The following CSMD1 variants were observed in gnomAD, a reference collection of about 807,000 sequenced individuals.
The protein encoded by CSMD1 is CUB and Sushi multiple domains 1.
A neutral mutation model predicts 417.5 loss-of-function variants in CSMD1; 213 were observed. The observed-to-expected ratio is 0.51, with a 90% CI of 0.46 to 0.57. The LOEUF (loss-of-function observed/expected upper bound fraction) is 0.57. Among genes scored for constraint, CSMD1 ranks in the 20% least tolerant of loss-of-function variants. The pLI is 0.00. For missense variants in CSMD1, 6,923 were observed against 4,529.7 expected (o/e 1.53, Z -15.17); for synonymous variants, 2,862 against 1,736.8 (o/e 1.65, Z -16.11).
rs767668610 is a variant in CSMD1 at position 3,817,252 on chromosome 8, C to CTTTTTTTTTTTTTT, written c.819-63224_819-63211dup. On this transcript the variant is annotated intron_variant, in intron 5 of 69. Transcript: ENST00000635120. ...TCCAAAGTGGTCATATCTTCTTCTT[C>CTTTTTTTTTTTTTT]TTTTTTTTTTTTTTTTTTTTTTTTT... Among the ~76,000 whole-genome samples the CTTTTTTTTTTTTTT allele has an allele frequency of 6.1e-4, 33 of 54,420 alleles. 8 individuals carry two copies. The highest frequency in any genetic ancestry group is 0.015 in the Middle Eastern group (1 of 66). The allele number at this position is 54,420 out of a possible 152,430, so 35.7% of individuals were successfully genotyped here. A position where few individuals can be genotyped will look rare whatever the true frequency, so the allele number is the denominator to read the frequency against.
intron 10 of CSMD1, among the ~76,000 whole-genome samples, chr8:3,500,409 G>C (rs529025251): frequency 6.6e-6 from 1 of 152,254 alleles, no homozygotes; most frequent in East Asian, 1.9e-4. Flanking sequence ...GAGCTTGGGA[G>C]AGGTTCACGA....
chr8:4,743,868 A>T (rs542220203), intron 1 of CSMD1, among the ~76,000 whole-genome samples: 4 of 152,174 alleles, frequency 2.6e-5, no homozygotes, highest in South Asian at 4.1e-4. Flanking sequence ...GTCCGTTCCC[A>T]CTCAAGTTCT....
chr8:3,820,521 C>T (rs1388239837), intron 5 of CSMD1, among the ~76,000 whole-genome samples: 1 of 152,156 alleles, frequency 6.6e-6, no homozygotes, highest in Admixed American at 6.5e-5. Context: ...GCTGACATCT[C>T]CTATGGTAAC....
intron 3 of CSMD1, among the ~76,000 whole-genome samples, chr8:4,362,421 G>C (rs145258922): frequency 6.6e-6 from 1 of 152,154 alleles, no homozygotes; most frequent in African/African-American, 2.4e-5. Context: ...GGGATTAGAT[G>C]TAACTTTGGA....
intron 1 of CSMD1, chr8:4,788,107 G>T (rs1332516650): frequency 1.9e-5 from 31 of 1,602,972 alleles, no homozygotes; most frequent in Admixed American, 5.1e-5. Context: ...GAAAGTCAGT[G>T]CAGGGTTGTA....
chr8:4,602,026 C>T (rs563305939), intron 2 of CSMD1, among the ~76,000 whole-genome samples: 13 of 152,272 alleles, frequency 8.5e-5, no homozygotes, highest in African/African-American at 3.1e-4. Flanking sequence ...CATTTGCTAG[C>T]AGGCATTCCC....
intron 26 of CSMD1, among the ~76,000 whole-genome samples, chr8:3,283,852 CT>C (rs1802930082): frequency 6.6e-6 from 1 of 152,234 alleles, no homozygotes; most frequent in Non-Finnish European, 1.5e-5. Flanking sequence ...ACAATTTTCT[CT>C]CTTTCTTTGG....
At position 2,955,571 on chromosome 8, in the gene CSMD1, C is replaced by T. The variant is rs781715173; in HGVS notation, c.9994+18G>A. ...TTGCTCTTTGGAAAAGTATGCCACT[C>T]CTTGATCAATGACTTACTTTTACAC... is the stretch of plus-strand genomic sequence containing the variant. On this transcript the variant is annotated intron_variant, in intron 64 of 69. Transcript: ENST00000635120. 9 of 1,612,156 alleles carry T rather than the reference C, an allele frequency of 5.6e-6. No individual in the cohort carries two copies. In the Admixed American group the frequency reaches 1.5e-4, roughly 27 times the overall value.
chr8:3,223,928 G>A, intron 27 of CSMD1, 61 bp from the exon 28 acceptor site: 1 of 1,549,600 alleles, frequency 6.5e-7, no homozygotes, highest in South Asian at 1.1e-5. Flanking sequence ...CTGCCAGTCA[G>A]TGTGGAAGGA....
chr8:4,027,785 C>T (rs549724700), intron 4 of CSMD1, among the ~76,000 whole-genome samples: 1 of 151,974 alleles, frequency 6.6e-6, no homozygotes, highest in Non-Finnish European at 1.5e-5. Flanking sequence ...ATAGTAAAGG[C>T]AGAAATGGAA....
intron 1 of CSMD1, among the ~76,000 whole-genome samples, chr8:4,925,792 C>T (rs1806827017): frequency 6.6e-6 from 1 of 152,246 alleles, no homozygotes; most frequent in Admixed American, 6.5e-5. Flanking sequence ...CGTGATCCGC[C>T]CTCCTCGGCC....
At chr8:4,803,504 C>T (rs1423121159) in intron 1 of CSMD1, among the ~76,000 whole-genome samples, 1 of 152,122 alleles carries the variant, frequency 6.6e-6, no homozygotes, top group African/African-American at 2.4e-5. Flanking sequence ...ATCTGCCCGA[C>T]ATTCAACAGA....
intron 10 of CSMD1, among the ~76,000 whole-genome samples, chr8:3,562,767 G>T (rs891355623): frequency 6.6e-6 from 1 of 152,030 alleles, no homozygotes; most frequent in Non-Finnish European, 1.5e-5. Context: ...GGAGCCTATT[G>T]GAGGGTGGAG....
intron 7 of CSMD1, among the ~76,000 whole-genome samples, chr8:3,619,113 C>T (rs1255140349): frequency 6.7e-6 from 1 of 148,658 alleles, no homozygotes; most frequent in South Asian, 2.1e-4. Context: ...TACAATAGAA[C>T]ACATATCTAA....
chr8:4,081,637 G>A (rs1464227419), intron 3 of CSMD1, among the ~76,000 whole-genome samples: 5 of 152,068 alleles, frequency 3.3e-5, no homozygotes, highest in African/African-American at 9.7e-5. Context: ...TGGAGATATG[G>A]ACTAAAATAG....
At chr8:3,292,029 T>G (rs2117283088) in intron 25 of CSMD1, among the ~76,000 whole-genome samples, 1 of 152,290 alleles carries the variant, frequency 6.6e-6, no homozygotes, top group South Asian at 2.1e-4. Flanking sequence ...ATGTTGTGTC[T>G]TTGTTCTCGT....
intron 3 of CSMD1, among the ~76,000 whole-genome samples, chr8:4,069,592 G>C (rs1242917487): frequency 6.6e-6 from 1 of 152,192 alleles, no homozygotes. Context: ...TCTTGGGCCA[G>C]TGGCCACAGC....
At chr8:4,827,889 G>A (rs1799928755) in intron 1 of CSMD1, among the ~76,000 whole-genome samples, 1 of 152,106 alleles carries the variant, frequency 6.6e-6, no homozygotes, top group African/African-American at 2.4e-5. Context: ...TCGTCCTCAA[G>A]CAACTGCTTG....
intron 50 of CSMD1, among the ~76,000 whole-genome samples, chr8:3,032,180 G>C (rs1038103372): frequency 6.6e-6 from 1 of 151,854 alleles, no homozygotes; most frequent in Non-Finnish European, 1.5e-5. Context: ...GATGAGAGTG[G>C]AAGAGTGGAG....
Sources: gnomAD v4.1 joint callset for allele counts (sites outside exome capture counted in the v4.1 genomes callset) on GRCh38, gnomAD v4.1.1 for gene constraint, MANE v1.5 for transcripts, NCBI Gene and HGNC (gene_info 2026-07-23, HGNC 2026-07-21) for gene names.